The following PPP2R2B variants were observed in gnomAD, a reference collection of about 807,000 sequenced individuals.
PPP2R2B encodes the protein protein phosphatase 2 regulatory subunit Bbeta.
Under a neutral mutation model 46.0 loss-of-function variants are expected in PPP2R2B, and 5 were observed. The observed-to-expected ratio is 0.11, with a 90% confidence interval of 0.06 to 0.23. The LOEUF is 0.23. Among genes scored for constraint, PPP2R2B ranks in the 10% least tolerant of loss-of-function variants. The pLI, the probability that PPP2R2B is intolerant of heterozygous loss-of-function variation, is 1.00. For synonymous variants in PPP2R2B, 215 were observed against 206.7 expected (o/e 1.04, Z -0.34); for missense variants, 367 against 575.0 (o/e 0.64, Z 3.70).
chr5:146,645,041 A>C (rs950356351), intron 6 of PPP2R2B, among the ~76,000 whole-genome samples: 2 of 152,210 alleles, frequency 1.3e-5, no homozygotes, highest in East Asian at 3.9e-4. Context: ...AGTGGAATCT[A>C]TGTTTACCAG....
intron 2 of PPP2R2B, among the ~76,000 whole-genome samples, chr5:146,854,269 T>C (rs894010776): frequency 6.6e-6 from 1 of 152,166 alleles, no homozygotes; most frequent in Non-Finnish European, 1.5e-5. Context: ...CATAATCTCA[T>C]GTCAGAAATT....
At chr5:146,648,400 A>G (rs138579090) in intron 6 of PPP2R2B, among the ~76,000 whole-genome samples, 62 of 152,190 alleles carry the variant, frequency 4.1e-4, no homozygotes, top group African/African-American at 1.4e-3. Context: ...CTATAAACGA[A>G]CCTTCAGAGC....
intron 1 of PPP2R2B, among the ~76,000 whole-genome samples, chr5:147,018,836 G>A (rs566390583): frequency 6.6e-6 from 1 of 152,122 alleles, no homozygotes; most frequent in Non-Finnish European, 1.5e-5. Flanking sequence ...TAAAGCTACT[G>A]TGGTAAAAAC....
chr5:146,915,432 G>A (rs1283375123), intron 1 of PPP2R2B, among the ~76,000 whole-genome samples: 1 of 148,650 alleles, frequency 6.7e-6, no homozygotes, highest in Non-Finnish European at 1.5e-5. Context: ...ATCCAAAGAA[G>A]TCATTCTACC....
intron 1 of PPP2R2B, chr5:146,919,731 A>G (rs1763526578): frequency 6.6e-6 from 1 of 152,332 alleles, no homozygotes; most frequent in East Asian, 1.9e-4. Context: ...TGGACAGCCC[A>G]AACAATAGCT....
chr5:146,600,965 C>G (rs761538397), intron 7 of PPP2R2B, among the ~76,000 whole-genome samples: 3 of 152,158 alleles, frequency 2.0e-5, no homozygotes, highest in Non-Finnish European at 4.4e-5. Context: ...ATTCCCTGCT[C>G]CTATAGTACT....
chr5:146,783,084 C>A (rs1755633933), intron 2 of PPP2R2B, among the ~76,000 whole-genome samples: 1 of 152,008 alleles, frequency 6.6e-6, no homozygotes, highest in Admixed American at 6.6e-5. Flanking sequence ...AAACTAAAAA[C>A]CATAAAATGT....
intron 1 of PPP2R2B, among the ~76,000 whole-genome samples, chr5:146,946,031 A>G (rs1321515719): frequency 3.9e-5 from 6 of 152,210 alleles, no homozygotes; most frequent in South Asian, 2.1e-4. Flanking sequence ...TATCGATTCT[A>G]ATTCACAATT....
At chr5:147,034,460 TG>T (rs1335392501) in intron 1 of PPP2R2B, among the ~76,000 whole-genome samples, 1 of 152,208 alleles carries the variant, frequency 6.6e-6, no homozygotes, top group African/African-American at 2.4e-5. Context: ...ATTACTTATC[TG>T]TGGAATATCG....
chr5:146,911,209 G>A (rs1763170129), intron 1 of PPP2R2B, among the ~76,000 whole-genome samples: 1 of 151,804 alleles, frequency 6.6e-6, no homozygotes, highest in Admixed American at 6.6e-5. Context: ...TCAGCCTCCT[G>A]AGTAGCTGAG....
chr5:146,822,754 C>T (rs1758347580), intron 2 of PPP2R2B, among the ~76,000 whole-genome samples: 2 of 152,106 alleles, frequency 1.3e-5, no homozygotes, highest in South Asian at 2.1e-4. Flanking sequence ...TTATGACCAA[C>T]ACATGAAACA....
At chr5:147,059,244 G>A (rs1366216781), upstream of PPP2R2B, among the ~76,000 whole-genome samples, 4 of 152,158 alleles carry the variant, frequency 2.6e-5, no homozygotes, top group East Asian at 3.8e-4. Context: ...AAGAGGATAC[G>A]AAAAGATTCT....
intron 2 of PPP2R2B, among the ~76,000 whole-genome samples, chr5:146,820,476 G>A (rs1396998521): frequency 6.6e-6 from 1 of 152,078 alleles, no homozygotes; most frequent in Non-Finnish European, 1.5e-5. Flanking sequence ...TTTCCCAGGG[G>A]CAGAAAACAC....
intron 4 of PPP2R2B, among the ~76,000 whole-genome samples, chr5:146,692,700 AT>A (rs542542805): frequency 1.5e-3 from 227 of 151,678 alleles, no homozygotes; most frequent in African/African-American, 5.0e-3. Flanking sequence ...CGCCCGGCTA[AT>A]TTTTTTGTAT....
At chr5:146,763,176 T>C (rs1754268544) in intron 2 of PPP2R2B, among the ~76,000 whole-genome samples, 1 of 152,170 alleles carries the variant, frequency 6.6e-6, no homozygotes, top group Non-Finnish European at 1.5e-5. Flanking sequence ...GTCACTGGCA[T>C]CCAAAGTGCT....
intron 2 of PPP2R2B, among the ~76,000 whole-genome samples, chr5:146,748,104 A>G (rs1753304623): frequency 6.6e-6 from 1 of 152,166 alleles, no homozygotes; most frequent in South Asian, 2.1e-4. Context: ...ACCTCATTTA[A>G]TCTCCAGAGC....
chr5:147,051,687 G>A (rs1288558228), intron 1 of PPP2R2B, among the ~76,000 whole-genome samples: 2 of 150,644 alleles, frequency 1.3e-5, no homozygotes, highest in African/African-American at 4.9e-5. Flanking sequence ...GCCAAATTAG[G>A]TCCACCAGAA....
chr5:146,723,418 C>T (rs547071656), intron 2 of PPP2R2B, among the ~76,000 whole-genome samples: 8 of 152,026 alleles, frequency 5.3e-5, no homozygotes, highest in Admixed American at 2.6e-4. Flanking sequence ...AATCTCTGGG[C>T]GAGGGAGAAT....
intron 1 of PPP2R2B, chr5:147,081,232 C>G: frequency 6.5e-7 from 1 of 1,535,610 alleles, no homozygotes; most frequent in Non-Finnish European, 8.7e-7. Flanking sequence ...AGAATCTATG[C>G]ATTTCTAAAA....
Sources: allele counts gnomAD v4.1 joint callset (sites outside exome capture counted in the v4.1 genomes callset), GRCh38; gene constraint gnomAD v4.1.1; transcripts MANE v1.5; gene names NCBI Gene and HGNC (gene_info 2026-07-23, HGNC 2026-07-21).